Variants in RFFL observed in about 807,000 individuals in gnomAD.
RFFL encodes E3 ubiquitin-protein ligase rififylin.
RFFL carries 16 observed loss-of-function variants against 40.4 expected under a neutral mutation model. That is an observed-to-expected ratio of 0.40 (90% CI 0.27 to 0.60). The LOEUF is 0.60. Among genes scored for constraint, RFFL ranks in the 20% least tolerant of loss-of-function variants. RFFL has a pLI of 0.47. For missense variants in RFFL, 367 were observed against 451.7 expected, an observed-to-expected ratio of 0.81 and a Z score of 1.70; for synonymous variants, 154 against 167.9, an observed-to-expected ratio of 0.92 and a Z score of 0.64.
chr17:35,023,487 T>C (rs995481418), intron 2 of RFFL, among the ~76,000 whole-genome samples: 2 of 152,238 alleles, frequency 1.3e-5, no homozygotes, highest in African/African-American at 4.8e-5. Context: ...AAAGGATGCA[T>C]GGCTGCACTA....
chr17:35,029,082 T>C (rs919835468), intron 1 of RFFL, among the ~76,000 whole-genome samples: 1 of 151,980 alleles, frequency 6.6e-6, no homozygotes, highest in African/African-American at 2.4e-5. Flanking sequence ...CTTCAGCACA[T>C]CAGAAACATT....
chr17:35,030,580 G>A (rs1040835231), intron 1 of RFFL, among the ~76,000 whole-genome samples: 6 of 152,040 alleles, frequency 3.9e-5, no homozygotes, highest in East Asian at 1.9e-4. Flanking sequence ...GATTACAGGC[G>A]TGAACCACCA....
At chr17:35,060,586 C>T (rs2091285623) in intron 1 of RFFL, among the ~76,000 whole-genome samples, 1 of 152,072 alleles carries the variant, frequency 6.6e-6, no homozygotes, top group Non-Finnish European at 1.5e-5. Context: ...TTGTAAAACA[C>T]CATAAAAATG....
At chr17:35,038,318 C>T (rs1423101414) in intron 1 of RFFL, among the ~76,000 whole-genome samples, 1 of 148,242 alleles carries the variant, frequency 6.7e-6, no homozygotes, top group Non-Finnish European at 1.5e-5. Flanking sequence ...GAAAAAAGAG[C>T]AACTGGAACT....
At chr17:35,019,685 C>T (rs1003991470) in intron 3 of RFFL, among the ~76,000 whole-genome samples, 2 of 151,058 alleles carry the variant, frequency 1.3e-5, no homozygotes, top group African/African-American at 2.4e-5. Context: ...AGGTTCTTTA[C>T]AGAAAAAGAA....
chr17:35,041,069 C>T (rs1258737770), intron 1 of RFFL, among the ~76,000 whole-genome samples: 1 of 151,772 alleles, frequency 6.6e-6, no homozygotes, highest in Non-Finnish European at 1.5e-5. Flanking sequence ...CTAATTTCAC[C>T]ATAACATTTG....
intron 1 of RFFL, among the ~76,000 whole-genome samples, chr17:35,041,693 T>C (rs1467356993): frequency 5.3e-5 from 8 of 151,850 alleles, no homozygotes; most frequent in Non-Finnish European, 1.2e-4. Context: ...AGAAAGGATT[T>C]TTTTTACCGC....
chr17:35,015,786 T>C (rs953580239), intron 5 of RFFL, among the ~76,000 whole-genome samples: 2 of 152,236 alleles, frequency 1.3e-5, no homozygotes, highest in Non-Finnish European at 2.9e-5. Context: ...GCCTTTAATA[T>C]AAAAATCTAC....
Position 35,006,820 on chromosome 17 carries a change from C to CG in RFFL, c.*5147_*5148insC, listed in dbSNP as rs1397807429. 1 of 152,532 alleles carries CG rather than the reference C, an allele frequency of 6.6e-6. No homozygotes were observed. The highest frequency in any genetic ancestry group is 1.5e-5 in the Non-Finnish European group (1 of 68,396). 9.4% of individuals were successfully genotyped at this position (152,532 alleles called of 1,614,324 possible). A position where few individuals can be genotyped will look rare whatever the true frequency, so the allele number is the denominator to read the frequency against. ...GCCCCCTGGCCACCCCACCGCCCCCCCCCAACTTTGATCTGATTGACTTTG... is the reference window on the plus strand; with the variant it reads ...GCCCCCTGGCCACCCCACCGCCCCCCGCCCAACTTTGATCTGATTGACTTTG... On this transcript the variant is annotated 3_prime_UTR_variant, in exon 7 of 7. Transcript: ENST00000394597.
In RFFL at chr17:35,023,031, GCT is replaced by G. The variant is rs553722002; in HGVS notation, c.181-1252_181-1251del. Among the ~76,000 whole-genome samples, 551 of 152,316 alleles carry G rather than the reference GCT, an allele frequency of 3.6e-3. 4 individuals carry two copies. Among genetic ancestry groups the G allele is most frequent in the African/African-American group, 0.013 (534 of 41,578 alleles). ...AGTGAGCACAGTGACATCCGGCTGA[GCT>G]CTGTTCTGGCCAAGAGCATGTCACA... On this transcript the variant is annotated intron_variant, in intron 2 of 6. Coordinates refer to ENST00000394597, the MANE Select transcript of RFFL (RefSeq NM_001017368.2).
chr17:35,027,184 T>A (rs2091047053), intron 1 of RFFL, among the ~76,000 whole-genome samples: 1 of 152,184 alleles, frequency 6.6e-6, no homozygotes, highest in Non-Finnish European at 1.5e-5. Context: ...TTTCCCCTCC[T>A]GCCAGCCAGT....
intron 1 of RFFL, among the ~76,000 whole-genome samples, chr17:35,070,227 G>T (rs2091340942): frequency 6.6e-6 from 1 of 152,092 alleles, no homozygotes; most frequent in Non-Finnish European, 1.5e-5. Context: ...CTGGAGTGCG[G>T]TGGTGTGATC....
intron 1 of RFFL, among the ~76,000 whole-genome samples, chr17:35,039,345 G>A (rs1392758955): frequency 6.6e-6 from 1 of 152,046 alleles, no homozygotes; most frequent in Non-Finnish European, 1.5e-5. Flanking sequence ...TCAGCCTCCC[G>A]AGTAGCTGGG....
At chr17:35,044,833 T>A (rs56023764) in intron 1 of RFFL, among the ~76,000 whole-genome samples, 6,209 of 151,882 alleles carry the variant, frequency 0.041, 434 homozygotes, top group African/African-American at 0.14. Flanking sequence ...ATCATTTATT[T>A]CCTCAGGGAA....
chr17:35,021,669 C>T lies in RFFL; in HGVS notation c.293G>A (p.Arg98Gln), dbSNP rs2091009719. The T allele has an allele frequency of 6.8e-6, 11 of 1,614,096 alleles. No homozygotes were observed. The highest frequency in any genetic ancestry group is 1.6e-4 in the Middle Eastern group (1 of 6,084). Residue 98 changes from arginine to glutamine, a missense_variant, in exon 3 of 7, where the codon CGA becomes CAA. Coordinates refer to ENST00000394597, the MANE Select transcript of RFFL (RefSeq NM_001017368.2). ...CACCTTCATCTTCATGAGCTCCTCTCGCTGAAAGGCTGTAGCTCGAAACCG... is the reference window on the plus strand; with the variant it reads ...CACCTTCATCTTCATGAGCTCCTCTTGCTGAAAGGCTGTAGCTCGAAACCG... ...CQRFRATAFQ[R>Q]EELMKMKVKD...
chr17:35,078,796 A>G (rs549446904), intron 1 of RFFL, among the ~76,000 whole-genome samples: 103 of 152,158 alleles, frequency 6.8e-4, no homozygotes, highest in African/African-American at 2.3e-3. Context: ...CCTGGCCAAC[A>G]TGATGAAACC....
chr17:35,062,780 A>G (rs1356349210), intron 1 of RFFL, among the ~76,000 whole-genome samples: 1 of 152,206 alleles, frequency 6.6e-6, no homozygotes, highest in Non-Finnish European at 1.5e-5. Flanking sequence ...GACTACCTAG[A>G]GATATCATAG....
At chr17:35,013,635 T>A (rs1012180149) in intron 6 of RFFL, among the ~76,000 whole-genome samples, 1 of 152,194 alleles carries the variant, frequency 6.6e-6, no homozygotes, top group Non-Finnish European at 1.5e-5. Context: ...TGAAACCCAT[T>A]TGCCTCTTTT....
At chr17:35,043,279 G>A (rs1567708796) in intron 1 of RFFL, among the ~76,000 whole-genome samples, 1 of 152,120 alleles carries the variant, frequency 6.6e-6, no homozygotes, top group African/African-American at 2.4e-5. Context: ...GCCACTAGGA[G>A]CTTCAGAGTA....
Sources: allele counts gnomAD v4.1 joint callset (sites outside exome capture counted in the v4.1 genomes callset), GRCh38; gene constraint gnomAD v4.1.1; transcripts MANE v1.5; gene names NCBI Gene and HGNC (gene_info 2026-07-23, HGNC 2026-07-21).